Variants in SNTB1 observed in about 807,000 individuals in gnomAD.
SNTB1 encodes syntrophin beta 1, also known as beta-1-syntrophin.
SNTB1 carries 36 observed loss-of-function variants against 48.9 expected under a neutral mutation model. That is an observed-to-expected ratio of 0.74 (90% CI 0.56 to 0.97). The LOEUF (loss-of-function observed/expected upper bound fraction) is 0.97. SNTB1 is among the 50% of genes least tolerant of loss of function. The pLI is 0.00. For missense variants in SNTB1, 786 were observed against 703.4 expected (o/e 1.12, Z -1.33); for synonymous variants, 299 against 294.6 (o/e 1.01, Z -0.15).
chr8:120,654,039 CAAAAAAAAAAAAAAAAA>C (rs58873007), intron 2 of SNTB1, among the ~76,000 whole-genome samples: 7 of 25,178 alleles, frequency 2.8e-4, no homozygotes, highest in East Asian at 2.5e-3. Flanking sequence ...GACTCTGCCT[CAAAAAAAAAAAAAAAAA>C]AAAAAAAAAA....
intron 2 of SNTB1, among the ~76,000 whole-genome samples, chr8:120,657,166 T>C (rs1817515288): frequency 6.6e-6 from 1 of 152,218 alleles, no homozygotes; most frequent in Non-Finnish European, 1.5e-5. Context: ...TTATTTTGTT[T>C]TAATGCAATC....
At chr8:120,564,851 G>A (rs1464331182) in intron 4 of SNTB1, among the ~76,000 whole-genome samples, 1 of 152,146 alleles carries the variant, frequency 6.6e-6, no homozygotes, top group Non-Finnish European at 1.5e-5. Context: ...GATTACAGGT[G>A]TGAGCCACTG....
At chr8:120,748,411 C>T (rs1819160697) in intron 1 of SNTB1, among the ~76,000 whole-genome samples, 1 of 152,060 alleles carries the variant, frequency 6.6e-6, no homozygotes, top group Non-Finnish European at 1.5e-5. Flanking sequence ...AAATTCAATA[C>T]AAAGGATCTG....
At chr8:120,619,310 T>G (rs4870738) in intron 3 of SNTB1, among the ~76,000 whole-genome samples, 10,169 of 146,872 alleles carry the variant, frequency 0.069, 521 homozygotes, top group Admixed American at 0.13. Flanking sequence ...TATATATATA[T>G]AGAGAGAGAG....
At chr8:120,602,819 C>A (rs995106558) in intron 3 of SNTB1, among the ~76,000 whole-genome samples, 1 of 150,646 alleles carries the variant, frequency 6.6e-6, no homozygotes, top group Non-Finnish European at 1.5e-5. Flanking sequence ...TAATAAAAAG[C>A]ATTTAAAAGT....
intron 4 of SNTB1, among the ~76,000 whole-genome samples, chr8:120,551,636 G>T (rs748984341): frequency 2.1e-5 from 3 of 142,556 alleles, no homozygotes; most frequent in Non-Finnish European, 3.0e-5. Flanking sequence ...TGAAGCAGGA[G>T]AATTGCTTGA....
chr8:120,739,469 C>T (rs975457223), intron 1 of SNTB1, among the ~76,000 whole-genome samples: 4 of 152,182 alleles, frequency 2.6e-5, no homozygotes, highest in Admixed American at 2.0e-4. Context: ...CCCAAGAAAC[C>T]TAAGTTTTTC....
chr8:120,555,582 G>C (rs1275084775), intron 4 of SNTB1, among the ~76,000 whole-genome samples: 1 of 152,170 alleles, frequency 6.6e-6, no homozygotes, highest in Non-Finnish European at 1.5e-5. Flanking sequence ...AAAGCTCCCA[G>C]CTTGCTTGTT....
chr8:120,600,204 A>G (rs1471016664), intron 3 of SNTB1, among the ~76,000 whole-genome samples: 1 of 152,218 alleles, frequency 6.6e-6, no homozygotes, highest in East Asian at 1.9e-4. Flanking sequence ...ATGCTGTGCA[A>G]CTTCTGAAGC....
At chr8:120,798,862 T>A (rs974006708) in intron 1 of SNTB1, among the ~76,000 whole-genome samples, 3 of 152,068 alleles carry the variant, frequency 2.0e-5, no homozygotes, top group African/African-American at 7.2e-5. Flanking sequence ...GAATAAGGAA[T>A]GTGATTATGA....
chr8:120,731,905 A>T (rs1171071013), intron 1 of SNTB1, among the ~76,000 whole-genome samples: 1 of 152,230 alleles, frequency 6.6e-6, no homozygotes, highest in Non-Finnish European at 1.5e-5. Context: ...CCCGAATGCT[A>T]TATAACTTCT....
At chr8:120,624,601 C>T (rs146513073) in intron 3 of SNTB1, among the ~76,000 whole-genome samples, 142 of 152,308 alleles carry the variant, frequency 9.3e-4, no homozygotes, top group Middle Eastern at 6.8e-3. Flanking sequence ...CAGCATTCCA[C>T]GCCTTCCCCC....
chr8:120,803,297 C>T (rs899510725), intron 1 of SNTB1, among the ~76,000 whole-genome samples: 22 of 152,056 alleles, frequency 1.4e-4, no homozygotes, highest in African/African-American at 4.6e-4. Context: ...TTGAGAGTGG[C>T]GCTCACTTGC....
At chr8:120,657,099 C>T (rs1213058022) in intron 2 of SNTB1, among the ~76,000 whole-genome samples, 1 of 152,190 alleles carries the variant, frequency 6.6e-6, no homozygotes, top group South Asian at 2.1e-4. Context: ...TTTACAATCT[C>T]AGACTTATAG....
intron 4 of SNTB1, among the ~76,000 whole-genome samples, chr8:120,555,555 G>A (rs1392779024): frequency 6.6e-6 from 1 of 152,182 alleles, no homozygotes; most frequent in Non-Finnish European, 1.5e-5. Context: ...CGTAGTTCCT[G>A]CCGGCATTCA....
intron 1 of SNTB1, among the ~76,000 whole-genome samples, chr8:120,777,762 G>A (rs1819759949): frequency 6.6e-6 from 1 of 152,178 alleles, no homozygotes; most frequent in East Asian, 1.9e-4. Context: ...TTTAATACAG[G>A]AAGCTGGATG....
chr8:120,765,931 C>A (rs1020409738), intron 1 of SNTB1: 3 of 152,116 alleles, frequency 2.0e-5, no homozygotes, highest in African/African-American at 7.2e-5. Flanking sequence ...CACCTGATCA[C>A]CTATGTCTCA....
At chr8:120,785,591 A>T (rs1482637168) in intron 1 of SNTB1, among the ~76,000 whole-genome samples, 1 of 152,224 alleles carries the variant, frequency 6.6e-6, no homozygotes, top group Admixed American at 6.5e-5. Context: ...CCCGCACATG[A>T]GAAGCCAGTG....
intron 2 of SNTB1, among the ~76,000 whole-genome samples, chr8:120,650,255 A>T (rs1817390709): frequency 6.6e-6 from 1 of 152,212 alleles, no homozygotes; most frequent in Admixed American, 6.5e-5. Context: ...CATATGTTAG[A>T]CTTAAGATAG....
Sources: allele counts gnomAD v4.1 joint callset (sites outside exome capture counted in the v4.1 genomes callset), GRCh38; gene constraint gnomAD v4.1.1; transcripts MANE v1.5; gene names NCBI Gene and HGNC (gene_info 2026-07-23, HGNC 2026-07-21).